The following ZBBX variants were observed in gnomAD, a reference collection of about 807,000 sequenced individuals.
The protein encoded by ZBBX is zinc finger B-box domain-containing protein 1.
ZBBX carries 101 observed loss-of-function variants against 108.5 expected under a neutral mutation model. The observed-to-expected ratio is 0.93, with a 90% CI of 0.79 to 1.10. ZBBX has a LOEUF of 1.10. Among genes scored for constraint, ZBBX ranks in the 50% least tolerant of loss-of-function variants. The probability of loss-of-function intolerance (pLI) is 0.00; values close to 1 mark genes in which losing one functional copy is unlikely to be tolerated. For synonymous variants in ZBBX, 356 were observed against 323.4 expected (o/e 1.10, Z -1.08); for missense variants, 1,009 against 941.4 (o/e 1.07, Z -0.94).
rs1728957516 is a variant in ZBBX, at chr3:167,282,330, G to T, written c.2162C>A (p.Thr721Asn). ...EISEIEYIDITDQNELSLDDT... is the reference protein window; with the variant it reads ...EISEIEYIDINDQNELSLDDT... ...ATCTAAGGAAAGCTCATTCTGGTCA[G>T]TAATATCAATATATTCAATTTCTGA... Residue 721 changes from threonine to asparagine, a missense_variant, in exon 20 of 22, where the codon ACT becomes AAT. Physicochemically the swap from Thr to Asn is moderately conservative, Grantham distance 65 (BLOSUM62 0). Transcript: ENST00000675490. 1 of 1,614,018 alleles carries T rather than the reference G, an allele frequency of 6.2e-7. No individual in the cohort carries two copies.
intron 12 of ZBBX, among the ~76,000 whole-genome samples, chr3:167,318,259 C>A (rs945740889): frequency 2.0e-5 from 3 of 151,960 alleles, no homozygotes; most frequent in Non-Finnish European, 4.4e-5. Flanking sequence ...CCTTTCCATA[C>A]CATGCAAGTT....
chr3:167,314,868 T>A (rs1199060208), intron 15 of ZBBX, among the ~76,000 whole-genome samples: 1 of 152,100 alleles, frequency 6.6e-6, no homozygotes, highest in East Asian at 1.9e-4. Context: ...TATAAAAGAA[T>A]CCGATTAGAG....
At position 167,264,009 on chromosome 3, in the gene ZBBX, C is replaced by T. The variant is rs77014261; in HGVS notation, c.2254+18229G>A. 9.5e-3 allele frequency among the ~76,000 whole-genome samples: 1,442 copies of T among 152,284 alleles called. 6 individuals carry two copies. Among genetic ancestry groups the T allele is most frequent in the Non-Finnish European group, 0.016 (1,096 of 68,026 alleles). Reference sequence around the variant, plus strand: ...GTTTTTGTCTTGAAATCTATTGTGTCTGATAAAGTATAGCTACTCCTGCTC... The same window carrying T: ...GTTTTTGTCTTGAAATCTATTGTGTTTGATAAAGTATAGCTACTCCTGCTC... On this transcript the variant is annotated intron_variant, in intron 20 of 21. Transcript: ENST00000675490.
At chr3:167,263,035 C>CTTTTTTTTTTTTTT (rs59613369) in intron 20 of ZBBX, among the ~76,000 whole-genome samples, 1 of 84,894 alleles carries the variant, frequency 1.2e-5, no homozygotes, top group African/African-American at 4.6e-5. Flanking sequence ...TTTTCTAGTT[C>CTTTTTTTTTTTTTT]TTTTTTTTTT....
intron 8 of ZBBX, among the ~76,000 whole-genome samples, chr3:167,352,832 C>T (rs1365057194): frequency 6.6e-6 from 1 of 151,380 alleles, no homozygotes; most frequent in Non-Finnish European, 1.5e-5. Context: ...ATATGCAAAC[C>T]AATAAATGTG....
At chr3:167,216,742 C>T in the ZBBX span, among the ~76,000 whole-genome samples, 1 of 152,028 alleles carries the variant, frequency 6.6e-6, no homozygotes. Context: ...CTACAGTGAC[C>T]AAAATAGCAT....
upstream of ZBBX, among the ~76,000 whole-genome samples, chr3:167,385,063 A>C (rs1747867058): frequency 6.6e-6 from 1 of 152,084 alleles, no homozygotes; most frequent in Non-Finnish European, 1.5e-5. Flanking sequence ...CATTATTTTC[A>C]CTATAACCTC....
chr3:167,299,563 A>T (rs1303805501), intron 17 of ZBBX, among the ~76,000 whole-genome samples: 1 of 152,128 alleles, frequency 6.6e-6, no homozygotes, highest in East Asian at 1.9e-4. Flanking sequence ...CAAACTTACA[A>T]AGTTAACTAT....
At chr3:167,273,796 G>A (rs1726981306) in intron 20 of ZBBX, among the ~76,000 whole-genome samples, 1 of 152,146 alleles carries the variant, frequency 6.6e-6, no homozygotes, top group Non-Finnish European at 1.5e-5. Flanking sequence ...CCCCTTATGG[G>A]TCTTTTGACT....
At chr3:167,225,693 A>G in the ZBBX span, among the ~76,000 whole-genome samples, 1 of 151,760 alleles carries the variant, frequency 6.6e-6, no homozygotes, top group Non-Finnish European at 1.5e-5. Flanking sequence ...AGTCAGGACC[A>G]GTATTATCAG....
At position 167,316,921 on chromosome 3, in the gene ZBBX, T is replaced by C. The variant is rs949323965; in HGVS notation, c.1194+84A>G. On this transcript the variant is annotated intron_variant, in intron 14 of 21. Transcript: ENST00000675490. ...TATGTTAGTTATTTGAGAAATCTTA[T>C]TGAAAATAATATGCAGATGTAAGTA... The C allele has an allele frequency of 4.1e-6, 3 of 725,264 alleles. No individual in the cohort carries two copies. The South Asian group carries it at 8.3e-5, about 20-fold the overall frequency. 44.9% of individuals were successfully genotyped at this position (725,264 alleles called of 1,614,324 possible). A position where few individuals can be genotyped will look rare whatever the true frequency, so the allele number is the denominator to read the frequency against.
intron 20 of ZBBX, among the ~76,000 whole-genome samples, chr3:167,247,248 C>T (rs1012877142): frequency 1.2e-4 from 18 of 152,218 alleles, no homozygotes; most frequent in Admixed American, 3.9e-4. Flanking sequence ...GGCAAGAGGA[C>T]GTCAAGCGAT....
chr3:167,222,911 C>T, the ZBBX span, among the ~76,000 whole-genome samples: 4 of 151,750 alleles, frequency 2.6e-5, no homozygotes, highest in African/African-American at 9.7e-5. Context: ...AACAATGTGT[C>T]GTATATTTCA....
At chr3:167,360,775 C>T (rs530351513) in intron 6 of ZBBX, 52 bp from the exon 7 acceptor site, 32 of 1,162,158 alleles carry the variant, frequency 2.8e-5, no homozygotes, top group South Asian at 1.6e-4. Flanking sequence ...TCTTATTCAA[C>T]GAAAGTTGCC....
chr3:167,370,340 C>CTT (rs201616638), intron 4 of ZBBX, among the ~76,000 whole-genome samples: 3,165 of 152,194 alleles, frequency 0.021, 70 homozygotes, highest in East Asian at 0.11. Context: ...CTAAAATAAT[C>CTT]CCATGTTTCT....
chr3:167,342,977 A>C (rs1457821934), intron 9 of ZBBX, among the ~76,000 whole-genome samples: 5 of 151,880 alleles, frequency 3.3e-5, no homozygotes, highest in African/African-American at 1.2e-4. Context: ...TGTAATAAAA[A>C]AGAAAACAGC....
chr3:167,399,308 G>A (rs1255778144), intron 1 of ZBBX, among the ~76,000 whole-genome samples: 1 of 152,072 alleles, frequency 6.6e-6, no homozygotes, highest in Non-Finnish European at 1.5e-5. Context: ...ACTTGCTAAA[G>A]TTTTCAGAAC....
intron 19 of ZBBX, among the ~76,000 whole-genome samples, chr3:167,283,923 A>G (rs538934716): frequency 1.4e-3 from 211 of 152,216 alleles, no homozygotes; most frequent in Non-Finnish European, 2.6e-3. Context: ...GTCTTTTTTT[A>G]ACTTAAAAAA....
At chr3:167,251,031 G>T (rs2108358821) in intron 20 of ZBBX, among the ~76,000 whole-genome samples, 1 of 152,340 alleles carries the variant, frequency 6.6e-6, no homozygotes, top group Non-Finnish European at 1.5e-5. Flanking sequence ...CACACTGGCA[G>T]AAGAGCACAC....
Sources: allele counts gnomAD v4.1 joint callset (sites outside exome capture counted in the v4.1 genomes callset), GRCh38; gene constraint gnomAD v4.1.1; transcripts MANE v1.5; gene names NCBI Gene and HGNC (gene_info 2026-07-23, HGNC 2026-07-21).